The following TRIM2 variants were observed in gnomAD, a reference collection of about 807,000 sequenced individuals.
TRIM2 encodes the protein tripartite motif containing 2.
A neutral mutation model predicts 75.2 loss-of-function variants in TRIM2; 20 were observed. The ratio of observed to expected loss-of-function variants is 0.27; its 90% CI spans 0.19 to 0.39. TRIM2 has a LOEUF of 0.39. Ranked by LOEUF, TRIM2 falls within the 10% of genes least tolerant of loss-of-function variation. TRIM2 has a pLI of 1.00. For missense variants in TRIM2, 660 were observed against 990.8 expected, an observed-to-expected ratio of 0.67 and a Z score of 4.48; for synonymous variants, 373 against 388.3, an observed-to-expected ratio of 0.96 and a Z score of 0.46.
At position 153,209,600 on chromosome 4, in the gene TRIM2, A is replaced by G. The variant is rs1736398719; in HGVS notation, c.30+5040A>G. Among the ~76,000 whole-genome samples, 3 of 152,250 alleles carry G rather than the reference A, an allele frequency of 2.0e-5. No homozygotes were observed. The South Asian group carries it at 6.2e-4, about 31-fold the overall frequency. On this transcript the variant is annotated intron_variant, in intron 1 of 11. Transcript: ENST00000338700. The stretch of plus-strand genomic sequence containing the variant: ...CAAGTTGGAACCGAGGGAATGGTAC[A>G]CTTCACATTTTGCAACTGTTATGCA...
intron 3 of TRIM2, among the ~76,000 whole-genome samples, chr4:153,283,222 C>A (rs1481888224): frequency 6.6e-6 from 1 of 152,178 alleles, no homozygotes; most frequent in Non-Finnish European, 1.5e-5. Flanking sequence ...ACCTCCTACT[C>A]CCTCCTCCCA....
At chr4:153,314,329 A>G (rs1452723247) in intron 6 of TRIM2, among the ~76,000 whole-genome samples, 1 of 141,272 alleles carries the variant, frequency 7.1e-6, no homozygotes, top group Admixed American at 7.0e-5. Flanking sequence ...CTGAGGCAGG[A>G]GAATGGCGTG....
At chr4:153,240,008 A>G (rs781276831) in intron 1 of TRIM2, among the ~76,000 whole-genome samples, 1 of 151,588 alleles carries the variant, frequency 6.6e-6, no homozygotes, top group East Asian at 1.9e-4. Flanking sequence ...TAATTTTTCT[A>G]TTTTTAGTAG....
chr4:153,222,561 C>A (rs1040690732), intron 1 of TRIM2: 1 of 152,122 alleles, frequency 6.6e-6, no homozygotes, highest in African/African-American at 2.4e-5. Context: ...GCTGTCGTGC[C>A]GGGCCTGAAA....
At chr4:153,290,237 G>A (rs1323905492) in intron 3 of TRIM2, among the ~76,000 whole-genome samples, 2 of 152,126 alleles carry the variant, frequency 1.3e-5, no homozygotes, top group Non-Finnish European at 2.9e-5. Flanking sequence ...TGAAAAACAG[G>A]AAACTTCTTG....
chr4:153,256,012 G>A (rs1377932422), intron 1 of TRIM2, among the ~76,000 whole-genome samples: 1 of 152,114 alleles, frequency 6.6e-6, no homozygotes, highest in African/African-American at 2.4e-5. Flanking sequence ...TGTCTGAGAT[G>A]ATGAAAATGT....
chr4:153,277,795 A>G lies in TRIM2; in HGVS notation c.453+1665A>G, dbSNP rs568910736. On this transcript the variant is annotated intron_variant, in intron 3 of 11. Transcript: ENST00000338700. ...AATTTAATTGAAAGCACACCAGGCT[A>G]TTAATAGCTATCAGTTTTCCATGCA... Among the ~76,000 whole-genome samples, 4 of 152,364 alleles carry G rather than the reference A, an allele frequency of 2.6e-5. No homozygotes were observed. The East Asian group carries it at 7.7e-4, about 29-fold the overall frequency.
intron 1 of TRIM2, among the ~76,000 whole-genome samples, chr4:153,221,417 GA>G (rs1471339133): frequency 6.6e-6 from 1 of 152,124 alleles, no homozygotes; most frequent in African/African-American, 2.4e-5. Flanking sequence ...AACAGAACGA[GA>G]CCCTGTCTCA....
chr4:153,257,583 C>T (rs753541808), intron 1 of TRIM2: 23 of 1,289,790 alleles, frequency 1.8e-5, no homozygotes, highest in Non-Finnish European at 2.2e-5. Flanking sequence ...ATATGCTGGG[C>T]TTCTGATGAT....
intron 6 of TRIM2, among the ~76,000 whole-genome samples, chr4:153,301,268 G>C (rs916254672): frequency 3.3e-5 from 5 of 151,924 alleles, no homozygotes; most frequent in Non-Finnish European, 7.4e-5. Context: ...AGGCTCAAGT[G>C]GTTCTCCCAT....
At chr4:153,169,047 C>A (rs1730582714) in intron 1 of TRIM2, among the ~76,000 whole-genome samples, 1 of 152,076 alleles carries the variant, frequency 6.6e-6, no homozygotes, top group South Asian at 2.1e-4. Flanking sequence ...CCACTGCACT[C>A]CCACCTGGAT....
Position 153,294,063 on chromosome 4 carries a change from A to C in TRIM2, c.606-242A>C, listed in dbSNP as rs78967465. ...GAGCTTCAAGTCTATACACTTAATT[A>C]ATTATTAAAATTGGACAATTGATGG... is the stretch of plus-strand genomic sequence containing the variant. On this transcript the variant is annotated intron_variant, in intron 4 of 11. Transcript: ENST00000338700. Among the ~76,000 whole-genome samples, 1,276 of 152,280 alleles carry C rather than the reference A, an allele frequency of 8.4e-3. 16 individuals carry two copies. The highest frequency in any genetic ancestry group is 0.029 in the African/African-American group (1,224 of 41,550).
Position 153,336,097 on chromosome 4 carries a change from T to C in TRIM2, c.*1131T>C. 7 of 981,138 alleles carry C rather than the reference T, an allele frequency of 7.1e-6. No individual in the cohort carries two copies. The highest frequency in any genetic ancestry group is 8.5e-6 in the Non-Finnish European group (7 of 827,302). The allele number at this position is 981,138 out of a possible 1,614,324, so 60.8% of individuals were successfully genotyped here. A position where few individuals can be genotyped will look rare whatever the true frequency, so the allele number is the denominator to read the frequency against. ...TGTCAAGGGACTATGTATACATGAT[T>C]AGGGTAAGATAGAATGTATTATATA... On this transcript the variant is annotated 3_prime_UTR_variant, in exon 12 of 12. Coordinates refer to ENST00000338700, the MANE Select transcript of TRIM2 (RefSeq NM_015271.5).
chr4:153,165,742 C>G (rs1365920930), intron 1 of TRIM2, among the ~76,000 whole-genome samples: 1 of 152,202 alleles, frequency 6.6e-6, no homozygotes, highest in Non-Finnish European at 1.5e-5. Context: ...TCCTTCTAGT[C>G]TCTACCATTG....
chr4:153,187,206 T>C (rs77348462), intron 1 of TRIM2, among the ~76,000 whole-genome samples: 2,704 of 152,252 alleles, frequency 0.018, 70 homozygotes, highest in African/African-American at 0.061. Flanking sequence ...AAACAGCACA[T>C]TTTTTCTATC....
chr4:153,205,862 C>A (rs1412785895), intron 1 of TRIM2, among the ~76,000 whole-genome samples: 1 of 152,124 alleles, frequency 6.6e-6, no homozygotes, highest in African/African-American at 2.4e-5. Context: ...ATGCTTGAAC[C>A]CATTGTATGA....
At chr4:153,166,676 G>C (rs1730362406) in intron 1 of TRIM2, among the ~76,000 whole-genome samples, 1 of 152,004 alleles carries the variant, frequency 6.6e-6, no homozygotes, top group South Asian at 2.1e-4. Flanking sequence ...TGCCTCCCTA[G>C]TAGGTGGGAC....
intron 6 of TRIM2, among the ~76,000 whole-genome samples, chr4:153,302,730 G>A (rs1017757317): frequency 9.9e-5 from 15 of 152,200 alleles, no homozygotes; most frequent in Non-Finnish European, 1.5e-5. Context: ...ACACACCTTT[G>A]TGCATGAATT....
chr4:153,282,037 T>C (rs1759462662), intron 3 of TRIM2, among the ~76,000 whole-genome samples: 1 of 152,200 alleles, frequency 6.6e-6, no homozygotes, highest in African/African-American at 2.4e-5. Flanking sequence ...CTTGACCATC[T>C]TTTTTGCATG....
Sources: allele counts gnomAD v4.1 joint callset (sites outside exome capture counted in the v4.1 genomes callset), GRCh38; gene constraint gnomAD v4.1.1; transcripts MANE v1.5; gene names NCBI Gene and HGNC (gene_info 2026-07-23, HGNC 2026-07-21).